Variants in VWA5B1 observed in about 807,000 individuals in gnomAD.
The protein encoded by VWA5B1 is von Willebrand factor A domain-containing protein 5B1.
Under a neutral mutation model 118.2 loss-of-function variants are expected in VWA5B1, and 115 were observed. The ratio of observed to expected loss-of-function variants is 0.97; its 90% CI spans 0.84 to 1.14. VWA5B1 has a LOEUF of 1.14. VWA5B1 is among the 50% of genes most tolerant of loss of function. The pLI, the probability that VWA5B1 is intolerant of heterozygous loss-of-function variation, is 0.00. For missense variants in VWA5B1, 1,596 were observed against 1,603.8 expected (o/e 1.00, Z 0.08); for synonymous variants, 682 against 658.4 (o/e 1.04, Z -0.55).
rs886134708 is a variant in VWA5B1, at chr1:20,357,081, G to A, written c.*2818G>A. ...GCCCTTGCTTTCTAGGTCATACAAAGGAATATTTATGCCCTGCACTGTCTG... is the reference window on the plus strand; with the variant it reads ...GCCCTTGCTTTCTAGGTCATACAAAAGAATATTTATGCCCTGCACTGTCTG... On this transcript the variant is annotated 3_prime_UTR_variant, in exon 22 of 22. Transcript: ENST00000289815. Among the ~76,000 whole-genome samples the A allele has an allele frequency of 1.3e-5, 2 of 152,126 alleles. No homozygotes were observed. Among genetic ancestry groups the A allele is most frequent in the African/African-American group, 4.8e-5 (2 of 41,416 alleles).
At position 20,323,467 on chromosome 1, in the gene VWA5B1, G is replaced by C. The variant is rs961918517; in HGVS notation, c.1078G>C (p.Gly360Arg). The change falls in exon 8 of 22, where the codon GGG becomes CGG. Residue 360 changes from glycine to arginine, a missense_variant. Transcript: ENST00000289815. ...CCAGCCGTGCCTGAGAAAGGCCCAC[G>C]GGGAGTTCATCTTCCTCATTGACAG... ...SVQPCLRKAH[G>R]EFIFLIDRSS... The C allele has an allele frequency of 5.0e-5, 77 of 1,534,800 alleles. No individual in the cohort carries two copies. The highest frequency in any genetic ancestry group is 6.6e-5 in the Non-Finnish European group (75 of 1,139,446).
At chr1:20,293,503 C>G (rs940687879) in intron 1 of VWA5B1, among the ~76,000 whole-genome samples, 1 of 152,168 alleles carries the variant, frequency 6.6e-6, no homozygotes, top group South Asian at 2.1e-4. Flanking sequence ...CTCTCAGTAC[C>G]CCGATGGTTC....
Position 20,354,151 on chromosome 1 carries a change from G to A in VWA5B1, c.3536G>A (p.Gly1179Asp). The change falls in exon 22 of 22, where the codon GGC becomes GAC. Residue 1179 changes from glycine (G) to aspartate (D), a missense_variant. Physicochemically the swap from Gly to Asp is moderately conservative, Grantham distance 94. Coordinates refer to ENST00000289815, the MANE Select transcript of VWA5B1 (RefSeq NM_001039500.3). ...CTGGAGCAGCAGGAAGTACCCGAGGGCCGCACGCAGGGCACACTCAAGGCC... is the reference window on the plus strand; with the variant it reads ...CTGGAGCAGCAGGAAGTACCCGAGGACCGCACGCAGGGCACACTCAAGGCC... ...SWLEQQEVPE[G>D]RTQGTLKAAA... 1 of 1,551,304 alleles carries A rather than the reference G, an allele frequency of 6.4e-7. No homozygotes were observed. The highest frequency in any genetic ancestry group is 8.7e-7 in the Non-Finnish European group (1 of 1,146,982).
chr1:20,298,719 C>T (rs928071855), intron 1 of VWA5B1, among the ~76,000 whole-genome samples: 18 of 151,830 alleles, frequency 1.2e-4, no homozygotes, highest in African/African-American at 4.4e-4. Context: ...TTCCTAGAGC[C>T]TGAGGAGCTC....
chr1:20,344,502 C>A (rs898584409), intron 16 of VWA5B1, among the ~76,000 whole-genome samples: 4 of 152,152 alleles, frequency 2.6e-5, no homozygotes, highest in African/African-American at 7.2e-5. Flanking sequence ...CAGCATTAAT[C>A]AAATCATTAC....
intron 1 of VWA5B1, among the ~76,000 whole-genome samples, chr1:20,308,433 C>G (rs2088733584): frequency 6.6e-6 from 1 of 152,254 alleles, no homozygotes; most frequent in East Asian, 1.9e-4. Context: ...CCTAAGGCTG[C>G]GTTCCCCAAT....
chr1:20,357,834 A>G lies in VWA5B1; in HGVS notation c.*3571A>G, dbSNP rs986164210. Among the ~76,000 whole-genome samples the G allele has an allele frequency of 3.3e-5, 5 of 152,082 alleles. No individual in the cohort carries two copies. The highest frequency in any genetic ancestry group is 5.9e-5 in the Non-Finnish European group (4 of 68,010). On this transcript the variant is annotated 3_prime_UTR_variant, in exon 22 of 22. Transcript: ENST00000289815. ...CAGCCCCCTGAGCTTTCAGGCTCTC[A>G]TTTATGGTATGGGTACAGATGACCA...
intron 1 of VWA5B1, among the ~76,000 whole-genome samples, chr1:20,307,734 T>C (rs1169499303): frequency 6.6e-6 from 1 of 152,086 alleles, no homozygotes; most frequent in East Asian, 1.9e-4. Context: ...CAATGCTGGA[T>C]GAATTGATAA....
At chr1:20,325,506 A>T (rs111236831) in intron 8 of VWA5B1, among the ~76,000 whole-genome samples, 3 of 152,178 alleles carry the variant, frequency 2.0e-5, no homozygotes, top group African/African-American at 7.2e-5. Flanking sequence ...CTGAGCCTGG[A>T]CTCAGTCTAT....
At chr1:20,309,107 G>T (rs1203050489) in intron 1 of VWA5B1, among the ~76,000 whole-genome samples, 1 of 152,146 alleles carries the variant, frequency 6.6e-6, no homozygotes. Flanking sequence ...GTCCTGAGAA[G>T]TGCTATGGAG....
In VWA5B1 at chr1:20,356,658, C is replaced by T. The variant is rs1326484243; in HGVS notation, c.*2395C>T. Among the ~76,000 whole-genome samples, 1 of 152,234 alleles carries T rather than the reference C, an allele frequency of 6.6e-6. No individual in the cohort carries two copies. The highest frequency in any genetic ancestry group is 2.4e-5 in the African/African-American group (1 of 41,474). ...CACCCACTTCTCTAGGAAAGTTCCT[C>T]AGACTGCTCCCGCACCGGCCACTGG... On this transcript the variant is annotated 3_prime_UTR_variant, in exon 22 of 22. Transcript: ENST00000289815.
chr1:20,320,081 C>G (rs1044133545), intron 7 of VWA5B1, among the ~76,000 whole-genome samples: 4 of 152,222 alleles, frequency 2.6e-5, no homozygotes, highest in Non-Finnish European at 4.4e-5. Flanking sequence ...AAGTCACACC[C>G]CATGCTCTGC....
At chr1:20,317,081 G>A (rs545909478) in intron 4 of VWA5B1, among the ~76,000 whole-genome samples, 12 of 150,524 alleles carry the variant, frequency 8.0e-5, no homozygotes, top group East Asian at 4.0e-4. Context: ...GTGTGAACCC[G>A]GGAGGCAGAG....
At chr1:20,324,342 C>G (rs148158370) in intron 8 of VWA5B1, among the ~76,000 whole-genome samples, 7 of 152,240 alleles carry the variant, frequency 4.6e-5, no homozygotes, top group African/African-American at 1.7e-4. Context: ...AATCCTCCCC[C>G]CTCACAATCC....
At chr1:20,316,940 G>T (rs139720042) in intron 4 of VWA5B1, among the ~76,000 whole-genome samples, 138 of 152,088 alleles carry the variant, frequency 9.1e-4, no homozygotes, top group African/African-American at 3.1e-3. Flanking sequence ...GGCGGATCAC[G>T]AGGTCAGGAG....
chr1:20,348,275 C>A lies in VWA5B1; in HGVS notation c.2795C>A (p.Ala932Asp), dbSNP rs1353098012. The change falls in exon 18 of 22, where the codon GCC (alanine) becomes GAC (aspartate). Residue 932 changes from alanine to aspartate, a missense_variant. Physicochemically the swap from Ala to Asp is moderately radical, Grantham distance 126. Coordinates refer to ENST00000289815, the MANE Select transcript of VWA5B1 (RefSeq NM_001039500.3). ...GAALRMLGSRALAQQWRGTSS... is the reference protein window; with the variant it reads ...GAALRMLGSRDLAQQWRGTSS... ...GCCCTGCGTATGCTTGGCTCTCGGG[C>A]CCTGGCCCAACAGTGGAGGGGCACC... The A allele has an allele frequency of 5.2e-6, 8 of 1,551,700 alleles. No individual in the cohort carries two copies. The highest frequency in any genetic ancestry group is 7.0e-6 in the Non-Finnish European group (8 of 1,147,014).
In VWA5B1 at chr1:20,332,931, C is replaced by A; in HGVS notation, c.1738C>A (p.His580Asn). 1 of 1,551,920 alleles carries A rather than the reference C, an allele frequency of 6.4e-7. No homozygotes were observed. Residue 580 changes from histidine to asparagine, a missense_variant, in exon 12 of 22, where the codon CAC becomes AAC. His to Asn is a moderately conservative substitution (Grantham distance 68). Transcript: ENST00000289815. ...TGGCATTGTATGTGATGCTTCTTTG[C>A]ACATCTCCAATCCCAGATCTGTAAG... ...GYGIVCDASL[H>N]ISNPRSDKRR...
In VWA5B1 at chr1:20,357,772, G is replaced by A. The variant is rs1319314321; in HGVS notation, c.*3509G>A. Among the ~76,000 whole-genome samples the A allele has an allele frequency of 3.3e-5, 5 of 152,300 alleles. No individual in the cohort carries two copies. The highest frequency in any genetic ancestry group is 1.9e-4 in the East Asian group (1 of 5,186). ...TCCTGCCATCTGTGGGTGTGGCCTC[G>A]TATTAGCACTACCTAGGTACCCTTT... On this transcript the variant is annotated 3_prime_UTR_variant, in exon 22 of 22. Transcript: ENST00000289815.
intron 2 of VWA5B1, 113 bp downstream of exon 2, chr1:20,310,853 C>G: frequency 3.0e-6 from 4 of 1,350,616 alleles, no homozygotes; most frequent in Non-Finnish European, 2.9e-6. Flanking sequence ...CCCTCCGAGT[C>G]TGTTTCCTCA....
Sources: allele counts gnomAD v4.1 joint callset (sites outside exome capture counted in the v4.1 genomes callset), GRCh38; gene constraint gnomAD v4.1.1; transcripts MANE v1.5; gene names NCBI Gene and HGNC (gene_info 2026-07-23, HGNC 2026-07-21).